Variants in WDR41 observed in about 807,000 individuals in gnomAD.
WDR41 encodes WD repeat-containing protein 41.
WDR41 carries 63 observed loss-of-function variants against 69.3 expected under a neutral mutation model. That is an observed-to-expected ratio of 0.91 (90% CI 0.74 to 1.12). WDR41 has a LOEUF of 1.12. Among genes scored for constraint, WDR41 ranks in the 50% most tolerant of loss-of-function variants. The pLI is 0.00. For synonymous variants in WDR41, 185 were observed against 192.1 expected, an observed-to-expected ratio of 0.96 and a Z score of 0.31; for missense variants, 543 against 534.5, an observed-to-expected ratio of 1.02 and a Z score of -0.16.
At chr5:77,440,731 A>C in intron 9 of WDR41, 82 bp downstream of exon 9, 1 of 1,363,338 alleles carries the variant, frequency 7.3e-7, no homozygotes, top group Non-Finnish European at 1.0e-6. Flanking sequence ...TTTTATGTCC[A>C]ACATGGGATT....
At chr5:77,509,975 A>T (rs1428966578) in intron 1 of WDR41, among the ~76,000 whole-genome samples, 2 of 152,068 alleles carry the variant, frequency 1.3e-5, no homozygotes, top group African/African-American at 2.4e-5. Flanking sequence ...CTCTTAAGAA[A>T]CTTCCCCTCA....
chr5:77,470,473 C>T (rs1400546346), intron 2 of WDR41, among the ~76,000 whole-genome samples: 1 of 152,140 alleles, frequency 6.6e-6, no homozygotes, highest in African/African-American at 2.4e-5. Flanking sequence ...AATTAAAAGA[C>T]ACAGACTGGC....
intron 1 of WDR41, among the ~76,000 whole-genome samples, chr5:77,618,370 GT>G (rs35564512): frequency 0.035 from 5,217 of 147,550 alleles, 95 homozygotes; most frequent in Non-Finnish European, 0.046. Context: ...GACTAAACAA[GT>G]TTTTTTTTTT....
chr5:77,481,561 C>A (rs956882976), intron 2 of WDR41, among the ~76,000 whole-genome samples: 1 of 151,930 alleles, frequency 6.6e-6, no homozygotes, highest in African/African-American at 2.4e-5. Context: ...CCGAGGCAGG[C>A]GGAACACGAG....
At chr5:77,470,879 T>A (rs1259252458) in intron 2 of WDR41, among the ~76,000 whole-genome samples, 1 of 146,780 alleles carries the variant, frequency 6.8e-6, no homozygotes, top group East Asian at 2.0e-4. Context: ...CAAGACAAAG[T>A]TAACAAGGAT....
intron 1 of WDR41, among the ~76,000 whole-genome samples, chr5:77,608,565 G>A (rs1204509046): frequency 6.6e-6 from 1 of 152,198 alleles, no homozygotes; most frequent in Non-Finnish European, 1.5e-5. Context: ...GCCACATGTA[G>A]TCATTAGATA....
chr5:77,614,798 T>A (rs373584444), intron 1 of WDR41, among the ~76,000 whole-genome samples: 4 of 146,010 alleles, frequency 2.7e-5, no homozygotes, highest in East Asian at 4.1e-4. Flanking sequence ...TAAAGTATAA[T>A]AATAATAAAA....
At position 77,431,017 on chromosome 5, in the gene WDR41, C is replaced by T. The variant is rs1044845469; in HGVS notation, c.*2118G>A. 6.6e-6 allele frequency: 1 copy of T among 152,102 alleles called. No individual in the cohort carries two copies. Among genetic ancestry groups the T allele is most frequent in the African/African-American group, 2.4e-5 (1 of 41,418 alleles). The allele number at this position is 152,102 out of a possible 1,614,324, so 9.4% of individuals were successfully genotyped here. A position where few individuals can be genotyped will look rare whatever the true frequency, so the allele number is the denominator to read the frequency against. ...ATAGAAAGTGGTTTCTGGAGACAGTCATTTCCACAGTGAAGATGCTGTAAA... is the reference window on the plus strand; with the variant it reads ...ATAGAAAGTGGTTTCTGGAGACAGTTATTTCCACAGTGAAGATGCTGTAAA... On this transcript the variant is annotated 3_prime_UTR_variant, in exon 13 of 13. Transcript: ENST00000296679.
chr5:77,545,578 C>T, intron 1 of WDR41: 1 of 292,120 alleles, frequency 3.4e-6, no homozygotes, highest in East Asian at 7.3e-5. Context: ...GCTGGGCCGT[C>T]TGGTCAAGGA....
chr5:77,452,747 A>G (rs561597469), intron 6 of WDR41: 1 of 152,336 alleles, frequency 6.6e-6, no homozygotes, highest in South Asian at 2.1e-4. Context: ...GATAAATGGC[A>G]GTATTGTAAT....
chr5:77,591,605 T>G (rs1438361303), intron 1 of WDR41, among the ~76,000 whole-genome samples: 2 of 152,182 alleles, frequency 1.3e-5, no homozygotes, highest in East Asian at 3.8e-4. Context: ...ATTTTTATTA[T>G]TGCATAGCTC....
intron 1 of WDR41, among the ~76,000 whole-genome samples, chr5:77,594,414 T>TA (rs1340567815): frequency 6.6e-6 from 1 of 150,828 alleles, no homozygotes; most frequent in African/African-American, 2.4e-5. Context: ...TAGAGTATAA[T>TA]AAAAAATGTA....
chr5:77,448,538 C>T (rs777434598), intron 8 of WDR41, among the ~76,000 whole-genome samples: 2 of 152,022 alleles, frequency 1.3e-5, no homozygotes, highest in Non-Finnish European at 2.9e-5. Flanking sequence ...CTGTGTCCCT[C>T]GCTCCCCTTT....
At chr5:77,434,934 AC>A (rs1394491641) in intron 12 of WDR41, among the ~76,000 whole-genome samples, 2 of 152,140 alleles carry the variant, frequency 1.3e-5, no homozygotes, top group Non-Finnish European at 2.9e-5. Flanking sequence ...ATGAGTTCCT[AC>A]TATTTAAAAA....
chr5:77,513,446 G>T (rs1056307625), intron 1 of WDR41, among the ~76,000 whole-genome samples: 2 of 152,116 alleles, frequency 1.3e-5, no homozygotes, highest in African/African-American at 4.8e-5. Flanking sequence ...ATTCACAATA[G>T]TCTAGATACA....
chr5:77,524,429 A>C (rs903834681), intron 1 of WDR41, among the ~76,000 whole-genome samples: 1 of 152,152 alleles, frequency 6.6e-6, no homozygotes, highest in African/African-American at 2.4e-5. Flanking sequence ...CTTGGCAGAA[A>C]AAACAAACAA....
At chr5:77,453,168 G>T (rs1032250107) in intron 6 of WDR41, among the ~76,000 whole-genome samples, 5 of 152,134 alleles carry the variant, frequency 3.3e-5, no homozygotes. Flanking sequence ...TGCTACCACT[G>T]AAATATCAAC....
intron 1 of WDR41, among the ~76,000 whole-genome samples, chr5:77,504,387 C>T (rs1240364659): frequency 6.6e-6 from 1 of 152,058 alleles, no homozygotes; most frequent in Admixed American, 6.5e-5. Flanking sequence ...AATTAATAGC[C>T]TACCAACCAA....
At chr5:77,435,096 A>ATCTT (rs879791996) in intron 12 of WDR41, among the ~76,000 whole-genome samples, 1 of 152,136 alleles carries the variant, frequency 6.6e-6, no homozygotes, top group Non-Finnish European at 1.5e-5. Flanking sequence ...CGTAAATGCT[A>ATCTT]TCTTTGCCCT....
Sources: gnomAD v4.1 joint callset for allele counts (sites outside exome capture counted in the v4.1 genomes callset) on GRCh38, gnomAD v4.1.1 for gene constraint, MANE v1.5 for transcripts, NCBI Gene and HGNC (gene_info 2026-07-23, HGNC 2026-07-21) for gene names.